Variants in MSL2 observed in about 807,000 individuals in gnomAD.
The protein encoded by MSL2 is MSL complex subunit 2.
A neutral mutation model predicts 35.8 loss-of-function variants in MSL2; 2 were observed. The ratio of observed to expected loss-of-function variants is 0.06; its 90% CI spans 0.02 to 0.18. The LOEUF (loss-of-function observed/expected upper bound fraction) is 0.18, where lower values mean the gene tolerates loss of function less well. MSL2 is among the 10% of genes least tolerant of loss of function. The pLI, the probability that MSL2 is intolerant of heterozygous loss-of-function variation, is 1.00. For synonymous variants in MSL2, 296 were observed against 255.7 expected (o/e 1.16, Z -1.50); for missense variants, 523 against 706.7 (o/e 0.74, Z 2.95).
chr3:136,166,969 A>C (rs538269753), intron 1 of MSL2, among the ~76,000 whole-genome samples: 97 of 152,326 alleles, frequency 6.4e-4, no homozygotes, highest in African/African-American at 2.2e-3. Context: ...AAGATTTTTT[A>C]ATTCTCCATT....
rs188196704 is a variant in MSL2, at chr3:136,174,513, T to C, written c.142+20459A>G. On this transcript the variant is annotated intron_variant, in intron 1 of 1. Coordinates refer to ENST00000309993, the MANE Select transcript of MSL2 (RefSeq NM_018133.4). ...TAGCCACAAGATATACAACCTTTTA[T>C]TGGAAAGAAGAAATAGGAACAGGTA... Among the ~76,000 whole-genome samples the C allele has an allele frequency of 4.6e-5, 7 of 152,198 alleles. No homozygotes were observed. The East Asian group carries it at 7.7e-4, about 17-fold the overall frequency.
chr3:136,182,012 T>A lies in MSL2; in HGVS notation c.142+12960A>T, dbSNP rs536990402. Among the ~76,000 whole-genome samples the A allele has an allele frequency of 4.0e-4, 61 of 152,180 alleles. 1 individual carries two copies. Among genetic ancestry groups the A allele is most frequent in the Admixed American group, 1.4e-3 (22 of 15,290 alleles). ...AAAATTTTTTAATTTAAAATTTTTT[T>A]AAAAAATCAAAACTTAAACAAGATG... On this transcript the variant is annotated intron_variant, in intron 1 of 1. Coordinates refer to ENST00000309993, the MANE Select transcript of MSL2 (RefSeq NM_018133.4).
rs1223751858 is a variant in MSL2 at position 136,151,237 on chromosome 3, G to A, written c.1644C>T (p.Val548=). ...AAAACGTCGTTACTGGGGACCCTGT[G>A]ACATTTATTACACTGGTGCTGGTAC... ...NASTSTSVIN[V]TGSPVTTFLA... Residue 548 remains valine (V), a synonymous_variant, in exon 2 of 2, where the codon GTC becomes GTT. Transcript: ENST00000309993. The surrounding 1 kb of genome is among the most constrained non-coding windows in gnomAD (Gnocchi z 5.2). The A allele has an allele frequency of 1.2e-6, 2 of 1,614,188 alleles. No homozygotes were observed. The highest frequency in any genetic ancestry group is 1.3e-5 in the African/African-American group (1 of 75,052).
intron 1 of MSL2, chr3:136,194,461 G>A (rs947355734): frequency 2.0e-6 from 2 of 985,582 alleles, no homozygotes; most frequent in Non-Finnish European, 2.4e-6. Flanking sequence ...AACCGTCAAA[G>A]CATTTGTGGA....
chr3:136,157,245 G>C (rs938756514), intron 1 of MSL2, among the ~76,000 whole-genome samples: 5 of 152,054 alleles, frequency 3.3e-5, no homozygotes, highest in African/African-American at 9.7e-5. Flanking sequence ...CTGAGGTCAG[G>C]AAGGCGGGCC....
intron 1 of MSL2, among the ~76,000 whole-genome samples, chr3:136,175,681 C>A (rs1940153344): frequency 6.6e-6 from 1 of 152,046 alleles, no homozygotes; most frequent in Admixed American, 6.6e-5. Flanking sequence ...GAGGCCCCAT[C>A]TCAAAAAACA....
Position 136,149,838 on chromosome 3 carries a change from A to C in MSL2, c.*1309T>G, listed in dbSNP as rs1429473540. The C allele has an allele frequency of 6.6e-6, 1 of 152,340 alleles. No homozygotes were observed. Among genetic ancestry groups the C allele is most frequent in the Non-Finnish European group, 1.5e-5 (1 of 68,032 alleles). The allele number at this position is 152,340 out of a possible 1,614,324, so 9.4% of individuals were successfully genotyped here. The stretch of plus-strand genomic sequence containing the variant: ...AGATGGTGAACGTAGTAGAAATTGG[A>C]AATTTTCCAGCAGTATTTTTCTTTA... On this transcript the variant is annotated 3_prime_UTR_variant, in exon 2 of 2. Coordinates refer to ENST00000309993, the MANE Select transcript of MSL2 (RefSeq NM_018133.4).
intron 1 of MSL2, among the ~76,000 whole-genome samples, chr3:136,180,199 T>C (rs965820697): frequency 6.6e-6 from 1 of 152,236 alleles, no homozygotes; most frequent in Admixed American, 6.5e-5. Flanking sequence ...GGACTTCTTA[T>C]GTTTCCGACT....
rs1489834113 is a variant in MSL2 at position 136,195,884 on chromosome 3, A to G, written c.-771T>C. Reference sequence around the variant, plus strand: ...CGGCGGGCGGGAGGGGGCGGGGGGCAAGCCCGGCCGGGCCGCGGCGGCGCC... The same window carrying G: ...CGGCGGGCGGGAGGGGGCGGGGGGCGAGCCCGGCCGGGCCGCGGCGGCGCC... On this transcript the variant is annotated 5_prime_UTR_variant, in exon 1 of 2. Coordinates refer to ENST00000309993, the MANE Select transcript of MSL2 (RefSeq NM_018133.4). 6.5e-6 allele frequency: 6 copies of G among 922,340 alleles called. No homozygotes were observed. Among genetic ancestry groups the G allele is most frequent in the Non-Finnish European group, 6.5e-6 (5 of 773,968 alleles). The allele number at this position is 922,340 out of a possible 1,614,324, so 57.1% of individuals were successfully genotyped here.
rs1427652286 is a variant in MSL2, at chr3:136,149,218, C to T, written c.*1929G>A. 1 of 151,952 alleles carries T rather than the reference C, an allele frequency of 6.6e-6. No homozygotes were observed. The highest frequency in any genetic ancestry group is 1.5e-5 in the Non-Finnish European group (1 of 67,950). The allele number at this position is 151,952 out of a possible 1,614,324, so 9.4% of individuals were successfully genotyped here. A position where few individuals can be genotyped will look rare whatever the true frequency, so the allele number is the denominator to read the frequency against. On this transcript the variant is annotated 3_prime_UTR_variant, in exon 2 of 2. Transcript: ENST00000309993. ...ATATTAGGAAAGTTTGGTCGATTTG[C>T]AAAATATATCCTCATCCATGTGTAC...
intron 1 of MSL2, among the ~76,000 whole-genome samples, chr3:136,182,578 T>A (rs1295676881): frequency 6.6e-6 from 1 of 152,014 alleles, no homozygotes; most frequent in South Asian, 2.1e-4. Flanking sequence ...AAAGCTCCCC[T>A]GAATTGAGAA....
At chr3:136,164,632 AC>A (rs1317602480) in intron 1 of MSL2, among the ~76,000 whole-genome samples, 4 of 151,974 alleles carry the variant, frequency 2.6e-5, no homozygotes, top group East Asian at 3.9e-4. Flanking sequence ...TCTCTAAGAA[AC>A]CCCCCACCTC....
At chr3:136,168,196 A>G (rs1017507471) in intron 1 of MSL2, among the ~76,000 whole-genome samples, 6 of 152,170 alleles carry the variant, frequency 3.9e-5, no homozygotes, top group Non-Finnish European at 7.3e-5. Flanking sequence ...CTGGGTAATG[A>G]AGTGAGACCC....
Position 136,194,956 on chromosome 3 carries a change from A to G in MSL2, c.142+16T>C. On this transcript the variant is annotated intron_variant, in intron 1 of 1. Transcript: ENST00000309993. ...AAAAACAAGCATTGAAAAGGGAACA[A>G]TAAAAAGCGTCTCACCGCAAACACA... 6.2e-7 allele frequency: 1 copy of G among 1,613,610 alleles called. No individual in the cohort carries two copies. Among genetic ancestry groups the G allele is most frequent in the Non-Finnish European group, 8.5e-7 (1 of 1,179,926 alleles).
intron 1 of MSL2, among the ~76,000 whole-genome samples, chr3:136,188,320 G>C (rs1940580008): frequency 6.6e-6 from 1 of 151,798 alleles, no homozygotes; most frequent in Non-Finnish European, 1.5e-5. Flanking sequence ...TATAGTCCCA[G>C]TTACTCAGGA....
At chr3:136,154,608 A>AT (rs1019269410) in intron 1 of MSL2, among the ~76,000 whole-genome samples, 10 of 152,270 alleles carry the variant, frequency 6.6e-5, no homozygotes, top group African/African-American at 2.2e-4. Flanking sequence ...GTATCTGGAA[A>AT]TTAAACATAT....
In MSL2 at chr3:136,176,356, A is replaced by C. The variant is rs142798932; in HGVS notation, c.142+18616T>G. The stretch of plus-strand genomic sequence containing the variant: ...CAGCAAAACCCCGTCTCTACTAAAA[A>C]TACAAAAAATTAGCAGGACATGGGG... On this transcript the variant is annotated intron_variant, in intron 1 of 1. Transcript: ENST00000309993. Among the ~76,000 whole-genome samples, 1,137 of 152,032 alleles carry C rather than the reference A, an allele frequency of 7.5e-3. 18 individuals are homozygous for C. Among genetic ancestry groups the C allele is most frequent in the African/African-American group, 0.026 (1,073 of 41,456 alleles).
chr3:136,192,130 T>C (rs556927958), intron 1 of MSL2, among the ~76,000 whole-genome samples: 1 of 152,360 alleles, frequency 6.6e-6, no homozygotes, highest in East Asian at 1.9e-4. Flanking sequence ...ATAAGTATCT[T>C]ATGACTGGAA....
At position 136,153,087 on chromosome 3, in the gene MSL2, T is replaced by G. The variant is rs990282943; in HGVS notation, c.143-349A>C. 7 of 981,382 alleles carry G rather than the reference T, an allele frequency of 7.1e-6. No homozygotes were observed. The African/African-American group carries it at 1.2e-4, about 17-fold the overall frequency. 60.8% of individuals were successfully genotyped at this position (981,382 alleles called of 1,614,324 possible). On this transcript the variant is annotated intron_variant, in intron 1 of 1. Transcript: ENST00000309993. Reference sequence around the variant, plus strand: ...AAGCACAAACTAGGGTTAAAACCCTTTGGATAGCCAGGTGTGGTGGTGTGT... The same window carrying G: ...AAGCACAAACTAGGGTTAAAACCCTGTGGATAGCCAGGTGTGGTGGTGTGT...
Sources: allele counts gnomAD v4.1 joint callset (sites outside exome capture counted in the v4.1 genomes callset), GRCh38; gene constraint gnomAD v4.1.1; non-coding constraint Gnocchi (gnomAD v3.1); transcripts MANE v1.5; gene names NCBI Gene and HGNC (gene_info 2026-07-23, HGNC 2026-07-21).